Variants in OSBPL8 observed in about 807,000 individuals in gnomAD.
The protein encoded by OSBPL8 is oxysterol-binding protein-related protein 8.
In OSBPL8, 59 loss-of-function variants were observed where a neutral mutation model predicts 125.5. The ratio of observed to expected loss-of-function variants is 0.47; its 90% confidence interval spans 0.38 to 0.58. OSBPL8 has a LOEUF of 0.58. Among genes scored for constraint, OSBPL8 ranks in the 20% least tolerant of loss-of-function variants. The pLI, the probability that OSBPL8 is intolerant of heterozygous loss-of-function variation, is 0.00. For missense variants in OSBPL8, 758 were observed against 1,047.8 expected (o/e 0.72, Z 3.82); for synonymous variants, 330 against 338.9 (o/e 0.97, Z 0.29).
At chr12:76,366,472 AT>A in intron 21 of OSBPL8, 1 of 338,064 alleles carries the variant, frequency 3.0e-6, no homozygotes, top group Non-Finnish European at 5.8e-6. Flanking sequence ...GATTTTGTTG[AT>A]TTTTATCAAA....
At chr12:76,410,667 A>G in intron 4 of OSBPL8, 33 bp from the exon 5 acceptor site, 1 of 1,373,770 alleles carries the variant, frequency 7.3e-7, no homozygotes, top group Non-Finnish European at 1.0e-6. Flanking sequence ...CAGTATTACT[A>G]CTTTTGAACA....
At position 76,450,941 on chromosome 12, in the gene OSBPL8, T is replaced by A; in HGVS notation, c.127A>T (p.Met43Leu). 1 of 1,614,040 alleles carries A rather than the reference T, an allele frequency of 6.2e-7. No homozygotes were observed. The highest frequency in any genetic ancestry group is 8.5e-7 in the Non-Finnish European group (1 of 1,179,940). The change falls in exon 4 of 24, where the codon ATG (methionine) becomes TTG (leucine). Residue 43 changes from methionine to leucine, a missense_variant. Physicochemically the swap from Met to Leu is conservative, Grantham distance 15. Coordinates refer to ENST00000261183, the MANE Select transcript of OSBPL8 (RefSeq NM_020841.5). ...DESQLLTPGKMSQRQGKEAYP... is the reference protein window; with the variant it reads ...DESQLLTPGKLSQRQGKEAYP... The stretch of plus-strand genomic sequence containing the variant: ...GCTTCTTTTCCTTGGCGCTGACTCA[T>A]CTTTCCTGGTGTCAGAAGCTGAGAT...
chr12:76,484,995 A>G (rs1477497406), intron 2 of OSBPL8, among the ~76,000 whole-genome samples: 1 of 152,042 alleles, frequency 6.6e-6, no homozygotes, highest in Non-Finnish European at 1.5e-5. Context: ...ATCTCAGCTC[A>G]CTGCAACCTC....
intron 1 of OSBPL8, among the ~76,000 whole-genome samples, chr12:76,518,979 C>T (rs1311236891): frequency 6.6e-6 from 1 of 152,208 alleles, no homozygotes; most frequent in Non-Finnish European, 1.5e-5. Flanking sequence ...TAGCACTTGG[C>T]TCCCTTTTAG....
At chr12:76,397,403 A>G (rs995050027) in intron 8 of OSBPL8, among the ~76,000 whole-genome samples, 8 of 151,894 alleles carry the variant, frequency 5.3e-5, no homozygotes, top group Non-Finnish European at 1.0e-4. Context: ...TAAATATAAT[A>G]CAATGTTACA....
chr12:76,502,967 T>C (rs543741555), intron 1 of OSBPL8, among the ~76,000 whole-genome samples: 3 of 152,350 alleles, frequency 2.0e-5, no homozygotes, highest in African/African-American at 7.2e-5. Context: ...CTTTATTTCA[T>C]AGCATTTAAG....
rs1479985094 is a variant in OSBPL8 at position 76,354,388 on chromosome 12, G to A, written c.*1501C>T. 1 of 151,752 alleles carries A rather than the reference G, an allele frequency of 6.6e-6. No homozygotes were observed. The highest frequency in any genetic ancestry group is 1.5e-5 in the Non-Finnish European group (1 of 67,782). The allele number at this position is 151,752 out of a possible 1,614,324, so 9.4% of individuals were successfully genotyped here. A position where few individuals can be genotyped will look rare whatever the true frequency, so the allele number is the denominator to read the frequency against. ...AAAAGCAGGCTCTTTTTATCATTTT[G>A]ATTCTCATAATTTACCAATCAATGT... On this transcript the variant is annotated 3_prime_UTR_variant, in exon 24 of 24. Transcript: ENST00000261183.
At chr12:76,447,390 C>T (rs1343523668) in intron 4 of OSBPL8, among the ~76,000 whole-genome samples, 1 of 152,142 alleles carries the variant, frequency 6.6e-6, no homozygotes, top group Non-Finnish European at 1.5e-5. Flanking sequence ...AGTATTCTTG[C>T]CAAAAATGCT....
chr12:76,388,205 G>A (rs1953400815), intron 12 of OSBPL8, among the ~76,000 whole-genome samples: 1 of 152,142 alleles, frequency 6.6e-6, no homozygotes, highest in Non-Finnish European at 1.5e-5. Flanking sequence ...TACAAACCCT[G>A]CTGCAACAAT....
chr12:76,492,825 T>C (rs1011485091), intron 1 of OSBPL8, among the ~76,000 whole-genome samples: 2 of 152,114 alleles, frequency 1.3e-5, no homozygotes, highest in Admixed American at 6.5e-5. Context: ...GTAAATGAGC[T>C]TGAATCATCC....
chr12:76,555,701 T>C (rs569359293), intron 1 of OSBPL8, among the ~76,000 whole-genome samples: 1 of 152,280 alleles, frequency 6.6e-6, no homozygotes, highest in South Asian at 2.1e-4. Context: ...ACCAAGTGAT[T>C]GGCCGATGGA....
At chr12:76,540,655 C>T (rs1950616390) in intron 1 of OSBPL8, among the ~76,000 whole-genome samples, 2 of 150,472 alleles carry the variant, frequency 1.3e-5, no homozygotes, top group African/African-American at 2.4e-5. Flanking sequence ...ATTGAGCACA[C>T]ATTGATATAA....
chr12:76,444,084 T>G (rs1391903864), intron 4 of OSBPL8, among the ~76,000 whole-genome samples: 1 of 152,062 alleles, frequency 6.6e-6, no homozygotes, highest in Non-Finnish European at 1.5e-5. Context: ...AAAAAAATCC[T>G]AAAACAATAG....
At chr12:76,498,462 T>C (rs1358334861) in intron 1 of OSBPL8, among the ~76,000 whole-genome samples, 1 of 152,258 alleles carries the variant, frequency 6.6e-6, no homozygotes, top group Non-Finnish European at 1.5e-5. Flanking sequence ...ACACCATGTT[T>C]GCATCTGTAC....
intron 1 of OSBPL8, among the ~76,000 whole-genome samples, chr12:76,544,459 A>C (rs1950729898): frequency 1.3e-5 from 2 of 152,206 alleles, no homozygotes. Context: ...TTGTTGAACA[A>C]TAGTGATATT....
At chr12:76,435,398 G>T (rs1871333396) in intron 4 of OSBPL8, among the ~76,000 whole-genome samples, 2 of 152,116 alleles carry the variant, frequency 1.3e-5, no homozygotes, top group South Asian at 4.1e-4. Context: ...AGAGGTTGGG[G>T]AGTGGAGGAA....
chr12:76,469,411 G>T (rs952792270), intron 2 of OSBPL8, among the ~76,000 whole-genome samples: 20 of 152,088 alleles, frequency 1.3e-4, no homozygotes, highest in African/African-American at 4.8e-4. Context: ...CTATTATCAG[G>T]TCGGATTGCA....
intron 1 of OSBPL8, among the ~76,000 whole-genome samples, chr12:76,496,141 T>TA (rs1268952968): frequency 6.6e-6 from 1 of 151,784 alleles, no homozygotes; most frequent in Non-Finnish European, 1.5e-5. Context: ...AATTACACAT[T>TA]AGTCTCTTCT....
chr12:76,414,614 AC>A, intron 4 of OSBPL8, among the ~76,000 whole-genome samples: 1 of 149,486 alleles, frequency 6.7e-6, no homozygotes, highest in Non-Finnish European at 1.5e-5. Flanking sequence ...ACTAGGCCTG[AC>A]TTTTTTGTTG....
Sources: gnomAD v4.1 joint callset for allele counts (sites outside exome capture counted in the v4.1 genomes callset) on GRCh38, gnomAD v4.1.1 for gene constraint, MANE v1.5 for transcripts, NCBI Gene and HGNC (gene_info 2026-07-23, HGNC 2026-07-21) for gene names.